ZNF138: variants seen among roughly 807,000 people sequenced by gnomAD.
ZNF138 encodes zinc finger protein 138.
ZNF138 carries 33 observed loss-of-function variants against 33.0 expected under a neutral mutation model. The ratio of observed to expected loss-of-function variants is 1.00; its 90% CI spans 0.76 to 1.34. The LOEUF is 1.34. Ranked by LOEUF, ZNF138 falls within the 40% of genes most tolerant of loss-of-function variation. ZNF138 has a pLI of 0.00. For missense variants in ZNF138, 360 were observed against 370.8 expected, an observed-to-expected ratio of 0.97 and a Z score of 0.24; for synonymous variants, 139 against 120.4, an observed-to-expected ratio of 1.15 and a Z score of -1.01.
In ZNF138 at chr7:64,832,586, A is replaced by T. The variant is rs1261216806; in HGVS notation, c.*384A>T. 5.5e-6 allele frequency: 3 copies of T among 546,108 alleles called. No individual in the cohort carries two copies. In the Admixed American group the frequency reaches 7.2e-5, roughly 13 times the overall value. 33.8% of individuals were successfully genotyped at this position (546,108 alleles called of 1,614,324 possible). A position where few individuals can be genotyped will look rare whatever the true frequency, so the allele number is the denominator to read the frequency against. ...TTCACAGTGGAGAAAAACCCTACAA[A>T]TGTGAAGAATGTGGCAAAGCTTTTA... is the stretch of plus-strand genomic sequence containing the variant. On this transcript the variant is annotated 3_prime_UTR_variant, in exon 4 of 4. Coordinates refer to ENST00000307355, the MANE Select transcript of ZNF138 (RefSeq NM_001271639.2).
At chr7:64,855,064 A>G in the ZNF138 span, among the ~76,000 whole-genome samples, 20 of 152,308 alleles carry the variant, frequency 1.3e-4, no homozygotes, top group East Asian at 1.7e-3. Context: ...GTATGTAGCC[A>G]TGTAACTAAC....
At chr7:64,844,589 T>C in the ZNF138 span, among the ~76,000 whole-genome samples, 1 of 20,364 alleles carries the variant, frequency 4.9e-5, no homozygotes, top group Non-Finnish European at 3.7e-4. Context: ...CCTTTCACTC[T>C]TTTTAATTTT....
At chr7:64,808,745 C>T (rs577601841) in intron 1 of ZNF138, among the ~76,000 whole-genome samples, 13 of 137,542 alleles carry the variant, frequency 9.5e-5, no homozygotes, top group East Asian at 2.1e-4. Context: ...TGCGGCCTTC[C>T]GCAGTGTTTG....
At chr7:64,823,069 G>A (rs1187217049) in intron 3 of ZNF138, among the ~76,000 whole-genome samples, 4 of 151,600 alleles carry the variant, frequency 2.6e-5, no homozygotes, top group Non-Finnish European at 4.4e-5. Context: ...TAGTAGAGAC[G>A]GGGTTTCTCC....
At chr7:64,808,903 A>G (rs1787838225) in intron 1 of ZNF138, among the ~76,000 whole-genome samples, 1 of 140,168 alleles carries the variant, frequency 7.1e-6, no homozygotes, top group South Asian at 2.4e-4. Flanking sequence ...GGTTGGGGGT[A>G]AGGTCACAGA....
the ZNF138 span, among the ~76,000 whole-genome samples, chr7:64,854,283 C>G: frequency 2.6e-5 from 4 of 152,170 alleles, no homozygotes; most frequent in African/African-American, 9.7e-5. Context: ...CTTCATTGCT[C>G]TGGCTGAAGT....
At chr7:64,858,215 T>G in the ZNF138 span, among the ~76,000 whole-genome samples, 2 of 152,218 alleles carry the variant, frequency 1.3e-5, no homozygotes, top group Non-Finnish European at 2.9e-5. Context: ...AGGGTTTTAT[T>G]TATTGCTGAG....
At chr7:64,794,866 G>C (rs1177026662) in intron 1 of ZNF138, among the ~76,000 whole-genome samples, 1 of 152,174 alleles carries the variant, frequency 6.6e-6, no homozygotes, top group Non-Finnish European at 1.5e-5. Flanking sequence ...AGGGTCGTCA[G>C]GGGAGAATCC....
downstream of ZNF138, chr7:64,836,136 C>A (rs377628095): frequency 6.6e-6 from 1 of 152,016 alleles, no homozygotes; most frequent in Non-Finnish European, 1.5e-5. Flanking sequence ...AGTAACAGAA[C>A]GGGAACTTGT....
chr7:64,844,103 C>G, the ZNF138 span, among the ~76,000 whole-genome samples: 1 of 152,138 alleles, frequency 6.6e-6, no homozygotes, highest in Admixed American at 6.5e-5. Context: ...GATTACAGGC[C>G]TGAGCCACTG....
intron 3 of ZNF138, among the ~76,000 whole-genome samples, chr7:64,816,757 G>T (rs1215006391): frequency 6.6e-6 from 1 of 152,026 alleles, no homozygotes; most frequent in Non-Finnish European, 1.5e-5. Context: ...TTTTGCATTG[G>T]TGCTTGTGAT....
intron 3 of ZNF138, among the ~76,000 whole-genome samples, chr7:64,817,787 A>G (rs1583849630): frequency 6.6e-6 from 1 of 151,912 alleles, no homozygotes; most frequent in Admixed American, 6.6e-5. Flanking sequence ...TTTCATATTT[A>G]TCTGTAATTT....
chr7:64,844,587 T>G, the ZNF138 span, among the ~76,000 whole-genome samples: 1 of 57,114 alleles, frequency 1.8e-5, no homozygotes, highest in African/African-American at 4.8e-5. Flanking sequence ...TCCCTTTCAC[T>G]CTTTTTAATT....
chr7:64,819,343 T>C (rs1788925595), intron 3 of ZNF138, among the ~76,000 whole-genome samples: 2 of 138,126 alleles, frequency 1.4e-5, no homozygotes, highest in Admixed American at 8.3e-5. Context: ...AGAAACACTT[T>C]TGTGGTTTCA....
intron 1 of ZNF138, among the ~76,000 whole-genome samples, chr7:64,806,518 C>T (rs1162681240): frequency 1.3e-5 from 2 of 152,166 alleles, no homozygotes; most frequent in Non-Finnish European, 2.9e-5. Context: ...TGCTACTCCA[C>T]CCATCCAGTA....
chr7:64,845,969 C>T, the ZNF138 span, among the ~76,000 whole-genome samples: 2 of 152,210 alleles, frequency 1.3e-5, no homozygotes, highest in African/African-American at 4.8e-5. Context: ...CAGTTTTATT[C>T]TTCTACATGT....
chr7:64,857,834 T>A, the ZNF138 span, among the ~76,000 whole-genome samples: 2 of 152,316 alleles, frequency 1.3e-5, no homozygotes, highest in East Asian at 3.9e-4. Context: ...TGGGACCAGG[T>A]GGCCTGTTTC....
intron 1 of ZNF138, among the ~76,000 whole-genome samples, chr7:64,795,079 G>A (rs769266140): frequency 1.3e-5 from 2 of 152,180 alleles, no homozygotes; most frequent in East Asian, 1.9e-4. Flanking sequence ...TGTATAAGGT[G>A]TATGATAAAA....
intron 1 of ZNF138, among the ~76,000 whole-genome samples, chr7:64,811,576 C>T (rs990134275): frequency 6.6e-6 from 1 of 152,190 alleles, no homozygotes; most frequent in African/African-American, 2.4e-5. Context: ...GAACTCCTGA[C>T]CTCAGGTGAT....
Sources: allele counts gnomAD v4.1 joint callset (sites outside exome capture counted in the v4.1 genomes callset), GRCh38; gene constraint gnomAD v4.1.1; transcripts MANE v1.5; gene names NCBI Gene and HGNC (gene_info 2026-07-23, HGNC 2026-07-21).